The following MCC variants were observed in gnomAD, a reference collection of about 807,000 sequenced individuals.
MCC encodes colorectal mutant cancer protein.
MCC carries 90 observed loss-of-function variants against 116.2 expected under a neutral mutation model. The observed-to-expected ratio is 0.77, with a 90% CI of 0.65 to 0.92. The LOEUF is 0.92. Ranked by LOEUF, MCC falls within the 40% of genes least tolerant of loss-of-function variation. The pLI, the probability that MCC is intolerant of heterozygous loss-of-function variation, is 0.00. For synonymous variants in MCC, 578 were observed against 510.5 expected, an observed-to-expected ratio of 1.13 and a Z score of -1.78; for missense variants, 1,516 against 1,312.2, an observed-to-expected ratio of 1.16 and a Z score of -2.40.
rs1759942140 is a variant in MCC at position 113,152,500 on chromosome 5, T to C, written c.628-1078A>G. Among the ~76,000 whole-genome samples the C allele has an allele frequency of 2.0e-5, 3 of 152,238 alleles. No homozygotes were observed. The South Asian group carries it at 6.2e-4, about 31-fold the overall frequency. ...GGCTTTATAGGCTTTTTGTAGTCTT[T>C]GCCAAGAAGGATTTCAAGTAAGAAG... On this transcript the variant is annotated intron_variant, in intron 3 of 18. Coordinates refer to ENST00000408903, the MANE Select transcript of MCC (RefSeq NM_001085377.2).
chr5:113,397,805 A>G (rs1769564615), intron 1 of MCC, among the ~76,000 whole-genome samples: 1 of 152,346 alleles, frequency 6.6e-6, no homozygotes, highest in South Asian at 2.1e-4. Flanking sequence ...TAAGTCCTCA[A>G]AAGCAATTGC....
chr5:113,169,186 A>T (rs1212195795), intron 3 of MCC, among the ~76,000 whole-genome samples: 1 of 152,150 alleles, frequency 6.6e-6, no homozygotes, highest in Non-Finnish European at 1.5e-5. Flanking sequence ...GGGAGGAGAA[A>T]AAGGGGAAAA....
chr5:113,183,760 A>T (rs1761746696), intron 3 of MCC, among the ~76,000 whole-genome samples: 1 of 152,208 alleles, frequency 6.6e-6, no homozygotes, highest in African/African-American at 2.4e-5. Flanking sequence ...ACTAGCTGGA[A>T]AACATGACTA....
rs73235120 is a variant in MCC at position 113,027,036 on chromosome 5, G to A, written c.*266C>T. On this transcript the variant is annotated 3_prime_UTR_variant, in exon 19 of 19. Coordinates refer to ENST00000408903, the MANE Select transcript of MCC (RefSeq NM_001085377.2). Reference sequence around the variant, plus strand: ...GAGAGTGAGTGCTGAAAGCAGAAACGAGGCTCTGCTGAGCAGGCACAGAAC... The same window carrying A: ...GAGAGTGAGTGCTGAAAGCAGAAACAAGGCTCTGCTGAGCAGGCACAGAAC... 5.8e-3 allele frequency: 2,343 copies of A among 405,112 alleles called. 39 individuals are homozygous for A. The highest frequency in any genetic ancestry group is 0.044 in the African/African-American group (2,150 of 48,956). 25.1% of individuals were successfully genotyped at this position (405,112 alleles called of 1,614,324 possible).
chr5:113,346,992 T>C lies in MCC; in HGVS notation c.416-6262A>G, dbSNP rs192529657. Among the ~76,000 whole-genome samples, 47 of 150,018 alleles carry C rather than the reference T, an allele frequency of 3.1e-4. 1 individual carries two copies. Among genetic ancestry groups the C allele is most frequent in the Middle Eastern group, 7.0e-3 (2 of 286 alleles). ...TAGAATAGTATATCTGGTGAAAATA[T>C]CCTTCAAACATGAAGGAGAAATAAA... is the stretch of plus-strand genomic sequence containing the variant. On this transcript the variant is annotated intron_variant, in intron 2 of 18. Coordinates refer to ENST00000408903, the MANE Select transcript of MCC (RefSeq NM_001085377.2).
intron 5 of MCC, among the ~76,000 whole-genome samples, chr5:113,128,031 T>C (rs1410505840): frequency 6.6e-6 from 1 of 152,220 alleles, no homozygotes; most frequent in Non-Finnish European, 1.5e-5. Flanking sequence ...TTATTAAAGA[T>C]TCCTTCTCAT....
intron 3 of MCC, among the ~76,000 whole-genome samples, chr5:113,160,657 C>G (rs935162): frequency 6.6e-6 from 1 of 151,932 alleles, no homozygotes; most frequent in Non-Finnish European, 1.5e-5. Flanking sequence ...CAAATACCCA[C>G]GAAACTGTTG....
chr5:113,103,731 C>A (rs1435837543), intron 7 of MCC, among the ~76,000 whole-genome samples: 2 of 152,156 alleles, frequency 1.3e-5, no homozygotes, highest in South Asian at 4.2e-4. Context: ...CCTTGACTTT[C>A]CCATCATTCA....
chr5:113,336,364 A>G (rs1428825169), intron 3 of MCC, among the ~76,000 whole-genome samples: 1 of 151,724 alleles, frequency 6.6e-6, no homozygotes, highest in Admixed American at 6.6e-5. Context: ...AGTAATTCTA[A>G]TTCACTAAAT....
intron 3 of MCC, among the ~76,000 whole-genome samples, chr5:113,232,505 T>G (rs762839808): frequency 6.6e-6 from 1 of 152,292 alleles, no homozygotes; most frequent in Admixed American, 6.5e-5. Context: ...CTTCCTATTC[T>G]GAATTCGCAC....
chr5:113,047,573 CTCCTGGAGACGA>C (rs1394971259), intron 16 of MCC, among the ~76,000 whole-genome samples: 1 of 152,166 alleles, frequency 6.6e-6, no homozygotes, highest in Non-Finnish European at 1.5e-5. Context: ...GTATATGGCT[CTCCTGGAGACGA>C]TCCTGCACTT....
At chr5:113,186,132 C>T (rs1761885221) in intron 3 of MCC, among the ~76,000 whole-genome samples, 1 of 152,146 alleles carries the variant, frequency 6.6e-6, no homozygotes. Flanking sequence ...GGGGTATTAA[C>T]ATGCCTGTGC....
intron 5 of MCC, among the ~76,000 whole-genome samples, chr5:113,125,446 G>A (rs923047039): frequency 6.6e-6 from 1 of 152,146 alleles, no homozygotes; most frequent in Non-Finnish European, 1.5e-5. Context: ...ATGTTAAACT[G>A]AGCTTAAATA....
chr5:113,446,902 A>G (rs1771235869), intron 1 of MCC, among the ~76,000 whole-genome samples: 1 of 152,176 alleles, frequency 6.6e-6, no homozygotes, highest in African/African-American at 2.4e-5. Flanking sequence ...GTATCACACA[A>G]TATACCCAGG....
intron 3 of MCC, among the ~76,000 whole-genome samples, chr5:113,182,837 C>T (rs892880252): frequency 5.3e-5 from 8 of 152,166 alleles, no homozygotes; most frequent in South Asian, 2.1e-4. Flanking sequence ...ATCCAGATGG[C>T]GGGAAGGTAT....
chr5:113,393,571 A>T (rs1769452926), intron 1 of MCC, among the ~76,000 whole-genome samples: 1 of 152,182 alleles, frequency 6.6e-6, no homozygotes, highest in South Asian at 2.1e-4. Flanking sequence ...TCAATCTCTC[A>T]ATATAGTTTT....
At chr5:113,123,335 T>C (rs952594326) in intron 5 of MCC, among the ~76,000 whole-genome samples, 1 of 152,176 alleles carries the variant, frequency 6.6e-6, no homozygotes, top group African/African-American at 2.4e-5. Flanking sequence ...ACTAGACTTT[T>C]TTGAAAGGTA....
intron 3 of MCC, among the ~76,000 whole-genome samples, chr5:113,321,929 T>C (rs2150371476): frequency 6.6e-6 from 1 of 152,312 alleles, no homozygotes; most frequent in East Asian, 1.9e-4. Context: ...CCTCCCGGGT[T>C]CAAGCAATTC....
At chr5:113,467,664 C>T (rs549157558) in intron 1 of MCC, among the ~76,000 whole-genome samples, 15 of 152,206 alleles carry the variant, frequency 9.9e-5, no homozygotes, top group African/African-American at 2.4e-4. Flanking sequence ...CTTGGCGACA[C>T]GGGCTCTTTT....
Sources: gnomAD v4.1 joint callset for allele counts (sites outside exome capture counted in the v4.1 genomes callset) on GRCh38, gnomAD v4.1.1 for gene constraint, MANE v1.5 for transcripts, NCBI Gene and HGNC (gene_info 2026-07-23, HGNC 2026-07-21) for gene names.